CFAP20DC: variants seen among roughly 807,000 people sequenced by gnomAD.
CFAP20DC encodes the protein CFAP20 domain containing.
A neutral mutation model predicts 101.7 loss-of-function variants in CFAP20DC; 84 were observed. The observed-to-expected ratio is 0.83, with a 90% CI of 0.69 to 0.99. The LOEUF is 0.99. Among genes scored for constraint, CFAP20DC ranks in the 50% least tolerant of loss-of-function variants. CFAP20DC has a pLI of 0.00. For synonymous variants in CFAP20DC, 359 were observed against 351.2 expected, an observed-to-expected ratio of 1.02 and a Z score of -0.25; for missense variants, 1,007 against 970.3, an observed-to-expected ratio of 1.04 and a Z score of -0.50.
chr3:58,805,702 T>C (rs2074005137), intron 15 of CFAP20DC, among the ~76,000 whole-genome samples: 1 of 152,198 alleles, frequency 6.6e-6, no homozygotes, highest in South Asian at 2.1e-4. Context: ...GTAATACTAA[T>C]TTATATGGAT....
At chr3:58,738,825 G>A (rs1462951986), downstream of CFAP20DC, among the ~76,000 whole-genome samples, 1 of 152,100 alleles carries the variant, frequency 6.6e-6, no homozygotes, top group East Asian at 1.9e-4. This position sits in a 1 kb window ranked among gnomAD's most constrained non-coding sequence, Gnocchi z 4.4. Context: ...GTGTAACCTG[G>A]AACAAACCAT....
chr3:58,728,851 CCT>C lies in CFAP20DC; in HGVS notation c.198-11225_198-11224del, dbSNP rs2067594466. 6.6e-6 allele frequency among the ~76,000 whole-genome samples: 1 copy of C among 152,100 alleles called. No individual in the cohort carries two copies. The highest frequency in any genetic ancestry group is 2.1e-4 in the South Asian group (1 of 4,820). On this transcript the variant is annotated intron_variant, in intron 3 of 3. Coordinates refer to the CFAP20DC transcript ENST00000486145. The surrounding 1 kb of genome is among the most constrained non-coding windows in gnomAD (Gnocchi z 4.7). ...AGCCCTAGCCTCCTGAAATTTACAC[CCT>C]GTGTAAATTTGGTGCAGTCTCTACC...
rs1026190499 is a variant in CFAP20DC, at chr3:58,897,778, C to T, written c.551-13069G>A. On this transcript the variant is annotated intron_variant, in intron 6 of 16. Coordinates refer to ENST00000482387, the MANE Select transcript of CFAP20DC (RefSeq NM_001394063.1). The surrounding 1 kb of genome is among the most constrained non-coding windows in gnomAD (Gnocchi z 4.4). Reference sequence around the variant, plus strand: ...AGTCTGATGGGCTTCCCTTTGTATGCGAACTGGCCTTGCCCTCTGGCTGCC... The same window carrying T: ...AGTCTGATGGGCTTCCCTTTGTATGTGAACTGGCCTTGCCCTCTGGCTGCC... Among the ~76,000 whole-genome samples, 66 of 152,274 alleles carry T rather than the reference C, an allele frequency of 4.3e-4. No homozygotes were observed. The highest frequency in any genetic ancestry group is 1.5e-3 in the African/African-American group (63 of 41,574).
At chr3:58,910,041 A>G (rs1175249773) in intron 6 of CFAP20DC, among the ~76,000 whole-genome samples, 5 of 152,190 alleles carry the variant, frequency 3.3e-5, no homozygotes, top group Non-Finnish European at 7.3e-5. Context: ...AACTTCATCC[A>G]CGTCCCTGCA....
At chr3:58,852,823 G>A (rs1370968747) in intron 12 of CFAP20DC, among the ~76,000 whole-genome samples, 1 of 150,944 alleles carries the variant, frequency 6.6e-6, no homozygotes, top group Admixed American at 6.6e-5. Context: ...TCTCTGGGAT[G>A]CATTCAAAGC....
At chr3:58,839,884 T>C (rs894029117) in intron 13 of CFAP20DC, among the ~76,000 whole-genome samples, 8 of 152,206 alleles carry the variant, frequency 5.3e-5, no homozygotes, top group Non-Finnish European at 7.3e-5. Flanking sequence ...TTCCATACCA[T>C]TACCCAAAAT....
chr3:58,811,026 T>G (rs1460717590), intron 14 of CFAP20DC, among the ~76,000 whole-genome samples: 5 of 152,144 alleles, frequency 3.3e-5, no homozygotes, highest in Non-Finnish European at 4.4e-5. Context: ...CAAGGAGTAC[T>G]ACAAATCACT....
At chr3:58,902,223 T>G (rs2083209183) in intron 6 of CFAP20DC, among the ~76,000 whole-genome samples, 1 of 152,232 alleles carries the variant, frequency 6.6e-6, no homozygotes, top group South Asian at 2.1e-4. Context: ...TTTTCACATT[T>G]TGGCTAATGT....
chr3:59,049,214 A>G (rs527851829), intron 1 of CFAP20DC, among the ~76,000 whole-genome samples: 4 of 152,062 alleles, frequency 2.6e-5, no homozygotes, highest in Non-Finnish European at 4.4e-5. Context: ...TCACTCATTC[A>G]CTCTTCTAAA....
chr3:59,029,047 T>C (rs188697518), intron 4 of CFAP20DC, among the ~76,000 whole-genome samples: 15 of 152,318 alleles, frequency 9.8e-5, no homozygotes, highest in Admixed American at 2.0e-4. Context: ...TCTTATGTTA[T>C]CATAACATTC....
chr3:59,023,654 A>G (rs1419868607), intron 4 of CFAP20DC, among the ~76,000 whole-genome samples: 1 of 152,114 alleles, frequency 6.6e-6, no homozygotes, highest in Non-Finnish European at 1.5e-5. Flanking sequence ...AACTGGATAA[A>G]GCAGCTTGGG....
At chr3:58,765,363 A>G (rs2107437290) in intron 15 of CFAP20DC, among the ~76,000 whole-genome samples, 1 of 151,954 alleles carries the variant, frequency 6.6e-6, no homozygotes, top group Non-Finnish European at 1.5e-5. Flanking sequence ...TGTATACAGT[A>G]AGCATTTACT....
chr3:58,810,911 C>G (rs1478232636), intron 14 of CFAP20DC, among the ~76,000 whole-genome samples: 1 of 151,748 alleles, frequency 6.6e-6, no homozygotes, highest in Non-Finnish European at 1.5e-5. Context: ...ACACCAATAA[C>G]AGGCAAACAG....
intron 5 of CFAP20DC, among the ~76,000 whole-genome samples, chr3:58,920,214 C>T (rs1254877494): frequency 6.6e-6 from 1 of 151,672 alleles, no homozygotes; most frequent in African/African-American, 2.4e-5. Context: ...CTTCAGCTTC[C>T]CAAACAGCTG....
chr3:58,896,912 G>A (rs1346272966), intron 6 of CFAP20DC, among the ~76,000 whole-genome samples: 1 of 152,166 alleles, frequency 6.6e-6, no homozygotes, highest in Non-Finnish European at 1.5e-5. Context: ...ACTTGATCCA[G>A]AGCTGGGTTC....
chr3:58,809,141 C>T (rs576903939), intron 14 of CFAP20DC, among the ~76,000 whole-genome samples: 1 of 151,584 alleles, frequency 6.6e-6, no homozygotes, highest in Admixed American at 6.6e-5. Flanking sequence ...CCACTGTCAA[C>T]ATTAGACAGA....
At chr3:58,889,002 CTTTT>C (rs772463592) in intron 6 of CFAP20DC, among the ~76,000 whole-genome samples, 3 of 145,132 alleles carry the variant, frequency 2.1e-5, no homozygotes, top group Admixed American at 6.9e-5. Flanking sequence ...TTTTTTTTTA[CTTTT>C]TTTTTTAATT....
At chr3:58,942,668 T>C (rs2088786044) in intron 4 of CFAP20DC, among the ~76,000 whole-genome samples, 1 of 152,164 alleles carries the variant, frequency 6.6e-6, no homozygotes, top group Non-Finnish European at 1.5e-5. Flanking sequence ...GACATCGAGC[T>C]AGCTGCAGGA....
rs547207658 is a variant in CFAP20DC at position 58,891,018 on chromosome 3, G to A, written c.551-6309C>T. On this transcript the variant is annotated intron_variant, in intron 6 of 16. Coordinates refer to ENST00000482387, the MANE Select transcript of CFAP20DC (RefSeq NM_001394063.1). ...CAGAGACACTCCTCACTTCCCAGAC[G>A]GGGTGGCGGCCGGGCAGAGGCTGCA... Among the ~76,000 whole-genome samples the A allele has an allele frequency of 4.1e-5, 6 of 147,878 alleles. No homozygotes were observed. In the East Asian group the frequency reaches 6.0e-4, roughly 15 times the overall value.
Sources: allele counts gnomAD v4.1 joint callset (sites outside exome capture counted in the v4.1 genomes callset), GRCh38; gene constraint gnomAD v4.1.1; non-coding constraint Gnocchi (gnomAD v3.1); transcripts MANE v1.5; gene names NCBI Gene and HGNC (gene_info 2026-07-23, HGNC 2026-07-21).